The following LRRC66 variants were observed in gnomAD, a reference collection of about 807,000 sequenced individuals.
LRRC66 encodes leucine-rich repeat-containing protein 66.
A neutral mutation model predicts 24.6 loss-of-function variants in LRRC66; 29 were observed. That is an observed-to-expected ratio of 1.18 (90% CI 0.88 to 1.61). The LOEUF (loss-of-function observed/expected upper bound fraction) is 1.61. LRRC66 is among the 40% of genes most tolerant of loss of function. The pLI is 0.00. For missense variants in LRRC66, 1,124 were observed against 1,058.0 expected (o/e 1.06, Z -0.87); for synonymous variants, 411 against 397.6 (o/e 1.03, Z -0.40).
In LRRC66 at chr4:51,994,330, T is replaced by C. The variant is rs1278035614; in HGVS notation, c.*49A>G. 3 of 1,508,670 alleles carry C rather than the reference T, an allele frequency of 2.0e-6. No homozygotes were observed. The highest frequency in any genetic ancestry group is 2.7e-6 in the Non-Finnish European group (3 of 1,119,130). The allele number at this position is 1,508,670 out of a possible 1,614,324, so 93.5% of individuals were successfully genotyped here. ...CTTTAGTTTTCCCCTGCCATGATCT[T>C]TAAAAGAATATTGTTTAGAGCTGTG... is the stretch of plus-strand genomic sequence containing the variant. On this transcript the variant is annotated 3_prime_UTR_variant, in exon 5 of 5. Coordinates refer to ENST00000682860, the MANE Select transcript of LRRC66 (RefSeq NM_001024611.3).
At chr4:52,015,849 T>C (rs1203836337) in intron 2 of LRRC66, among the ~76,000 whole-genome samples, 2 of 152,200 alleles carry the variant, frequency 1.3e-5, no homozygotes, top group Non-Finnish European at 2.9e-5. Flanking sequence ...GTTATTAAAA[T>C]ATTCTATGAT....
intron 1 of LRRC66, chr4:52,018,680 G>C (rs1051687544): frequency 2.4e-6 from 2 of 840,470 alleles, no homozygotes; most frequent in African/African-American, 3.7e-5. Context: ...ATCCTCAAAG[G>C]GCTCCTTATT....
chr4:52,003,160 T>C, intron 3 of LRRC66, 63 bp downstream of exon 3: 2 of 1,286,362 alleles, frequency 1.6e-6, no homozygotes, highest in Non-Finnish European at 1.1e-6. Flanking sequence ...AATAGAAATA[T>C]GCTTCTAATG....
rs1422415839 is a variant in LRRC66 at position 52,003,356 on chromosome 4, A to C, written c.533T>G (p.Leu178Arg). Residue 178 changes from leucine to arginine, a missense_variant, in exon 3 of 5, where the codon CTG becomes CGG. Transcript: ENST00000682860. The part of the protein sequence containing the change: ...WKLKSLQSLD[L>R]SFNGILQIGW... ...TATTTGCAATATCCCATTGAATGAC[A>C]GATCCAAACTCTGCAATGACTTCAG... 1 of 1,613,678 alleles carries C rather than the reference A, an allele frequency of 6.2e-7. No homozygotes were observed. Among genetic ancestry groups the C allele is most frequent in the Non-Finnish European group, 8.5e-7 (1 of 1,179,862 alleles).
At chr4:52,000,863 G>C (rs895345440) in intron 3 of LRRC66, among the ~76,000 whole-genome samples, 1 of 152,162 alleles carries the variant, frequency 6.6e-6, no homozygotes, top group Admixed American at 6.5e-5. Context: ...GAGGCCCCAG[G>C]TAAGCCATGC....
intron 2 of LRRC66, among the ~76,000 whole-genome samples, chr4:52,012,016 C>T (rs1736717025): frequency 6.6e-6 from 1 of 152,064 alleles, no homozygotes; most frequent in Non-Finnish European, 1.5e-5. Flanking sequence ...GAAACCCCAT[C>T]TTTACTAAAA....
At chr4:52,017,737 T>C in intron 1 of LRRC66, 119 bp from the exon 2 acceptor site, 2 of 1,376,186 alleles carry the variant, frequency 1.5e-6, no homozygotes, top group Non-Finnish European at 1.9e-6. Context: ...TGGTTGCCAA[T>C]TTAAGCGAAT....
At chr4:52,007,982 T>C (rs188363962) in intron 2 of LRRC66, among the ~76,000 whole-genome samples, 2 of 152,332 alleles carry the variant, frequency 1.3e-5, no homozygotes, top group African/African-American at 4.8e-5. Context: ...TGCCAATTTT[T>C]TTTTTTTAAT....
chr4:51,999,179 T>A (rs777579599), intron 3 of LRRC66, among the ~76,000 whole-genome samples: 2 of 152,118 alleles, frequency 1.3e-5, no homozygotes, highest in African/African-American at 2.4e-5. Context: ...GAGAAAATCA[T>A]AAAGATGAAA....
chr4:52,014,796 C>T (rs1736774737), intron 2 of LRRC66, among the ~76,000 whole-genome samples: 1 of 152,218 alleles, frequency 6.6e-6, no homozygotes. Flanking sequence ...CAATCAGATT[C>T]ATGCCTTACA....
At position 51,995,620 on chromosome 4, in the gene LRRC66, T is replaced by C; in HGVS notation, c.1402A>G (p.Thr468Ala). Reference protein sequence around the residue: ...FWVTQPHPHATVIPDRTLGRS... With the variant: ...FWVTQPHPHAAVIPDRTLGRS... The stretch of plus-strand genomic sequence containing the variant: ...CCCAGAGTTCTATCAGGAATTACGG[T>C]GGCGTGTGGGTGTGGCTGTGTCACC... The change falls in exon 5 of 5, where the codon ACC becomes GCC. Residue 468 changes from threonine (T) to alanine (A), a missense_variant. By Grantham distance (58) the Thr-to-Ala change is moderately conservative (BLOSUM62 0). Coordinates refer to ENST00000682860, the MANE Select transcript of LRRC66 (RefSeq NM_001024611.3). The C allele has an allele frequency of 6.2e-7, 1 of 1,614,014 alleles. No individual in the cohort carries two copies. The highest frequency in any genetic ancestry group is 8.5e-7 in the Non-Finnish European group (1 of 1,179,992).
intron 2 of LRRC66, among the ~76,000 whole-genome samples, chr4:52,007,281 C>T (rs749253765): frequency 1.3e-5 from 2 of 152,148 alleles, no homozygotes; most frequent in Non-Finnish European, 1.5e-5. Flanking sequence ...TAGGCTCAAG[C>T]GATTCTCTTG....
Position 52,004,101 on chromosome 4 carries a change from C to T in LRRC66, c.497-709G>A, listed in dbSNP as rs374660702. ...CATTGCAACTTCCACCTCCCGGGTTCGAGTGATTCTCCTGCCTCAGCCTCC... is the reference window on the plus strand; with the variant it reads ...CATTGCAACTTCCACCTCCCGGGTTTGAGTGATTCTCCTGCCTCAGCCTCC... On this transcript the variant is annotated intron_variant, in intron 2 of 4. Transcript: ENST00000682860. Among the ~76,000 whole-genome samples, 451 of 152,224 alleles carry T rather than the reference C, an allele frequency of 3.0e-3. 3 individuals are homozygous for T. Among genetic ancestry groups the T allele is most frequent in the African/African-American group, 0.01 (423 of 41,540 alleles).
Position 51,995,339 on chromosome 4 carries a change from C to T in LRRC66, c.1683G>A (p.Thr561=), listed in dbSNP as rs1485142183. Residue 561 remains threonine, a synonymous_variant, in exon 5 of 5, where the codon ACG becomes ACA. Transcript: ENST00000682860. ...GGCTTGAGCCAGAGACAGCGTGAGA[C>T]GTGCCAGCTACAGAAGAGACGCCCA... ...HSVGVSSVAG[T]SHAVSGSSRY... 1 of 1,614,168 alleles carries T rather than the reference C, an allele frequency of 6.2e-7. No homozygotes were observed. The highest frequency in any genetic ancestry group is 8.5e-7 in the Non-Finnish European group (1 of 1,180,022).
At position 51,995,300 on chromosome 4, in the gene LRRC66, A is replaced by T; in HGVS notation, c.1722T>A (p.Asn574Lys). ...AVSGSSRYDS[N>K]ELDPSLSGEI... ...CTCCGGAGAGGGAAGGGTCTAATTC[A>T]TTGGAATCATAACGGCTTGAGCCAG... The change falls in exon 5 of 5, where the codon AAT becomes AAA. Residue 574 changes from asparagine to lysine, a missense_variant. Physicochemically the swap from Asn to Lys is moderately conservative, Grantham distance 94. Transcript: ENST00000682860. 6.2e-7 allele frequency: 1 copy of T among 1,614,192 alleles called. No homozygotes were observed. Among genetic ancestry groups the T allele is most frequent in the Non-Finnish European group, 8.5e-7 (1 of 1,180,038 alleles).
Position 51,994,026 on chromosome 4 carries a change from C to T in LRRC66, c.*353G>A, listed in dbSNP as rs1360848518. 2 of 192,470 alleles carry T rather than the reference C, an allele frequency of 1.0e-5. No individual in the cohort carries two copies. The highest frequency in any genetic ancestry group is 1.4e-4 in the South Asian group (1 of 7,298). The allele number at this position is 192,470 out of a possible 1,614,324, so 11.9% of individuals were successfully genotyped here. A position where few individuals can be genotyped will look rare whatever the true frequency, so the allele number is the denominator to read the frequency against. The stretch of plus-strand genomic sequence containing the variant: ...AACAGATTCTCTTCTGAATATTTAC[C>T]CCAACCTATTGATGAAGTGCTCCTG... On this transcript the variant is annotated 3_prime_UTR_variant, in exon 5 of 5. Transcript: ENST00000682860.
At chr4:52,003,524 T>A in intron 2 of LRRC66, 132 bp from the exon 3 acceptor site, 2 of 664,600 alleles carry the variant, frequency 3.0e-6, no homozygotes, top group South Asian at 2.1e-5. Context: ...TATGGTATAT[T>A]AATACTATGA....
At chr4:52,003,880 GATAA>G (rs766337232) in intron 2 of LRRC66, among the ~76,000 whole-genome samples, 45 of 152,252 alleles carry the variant, frequency 3.0e-4, no homozygotes, top group Admixed American at 8.5e-4. Flanking sequence ...TGAAAGACGT[GATAA>G]ATATTTATTT....
rs145246698 is a variant in LRRC66 at position 51,996,922 on chromosome 4, A to C, written c.857-757T>G. 4.7e-4 allele frequency among the ~76,000 whole-genome samples: 72 copies of C among 152,296 alleles called. 3 individuals are homozygous for C. Among genetic ancestry groups the C allele is most frequent in the African/African-American group, 1.6e-3 (65 of 41,556 alleles). ...ATTCAGTTTTCTTTACTGGTTCCTT[A>C]CATTTTGCTCTCTACCCTCAGAATG... On this transcript the variant is annotated intron_variant, in intron 4 of 4. Coordinates refer to ENST00000682860, the MANE Select transcript of LRRC66 (RefSeq NM_001024611.3).
Sources: allele counts gnomAD v4.1 joint callset (sites outside exome capture counted in the v4.1 genomes callset), GRCh38; gene constraint gnomAD v4.1.1; transcripts MANE v1.5; gene names NCBI Gene and HGNC (gene_info 2026-07-23, HGNC 2026-07-21).